The following HIVEP3 variants were observed in gnomAD, a reference collection of about 807,000 sequenced individuals.
The protein encoded by HIVEP3 is transcription factor HIVEP3.
HIVEP3 carries 49 observed loss-of-function variants against 152.8 expected under a neutral mutation model. The observed-to-expected ratio is 0.32, with a 90% CI of 0.26 to 0.41. HIVEP3 has a LOEUF of 0.41. HIVEP3 is among the 10% of genes least tolerant of loss of function. The probability of loss-of-function intolerance (pLI) is 1.00; values close to 1 mark genes in which losing one functional copy is unlikely to be tolerated. For synonymous variants in HIVEP3, 1,269 were observed against 1,289.0 expected, an observed-to-expected ratio of 0.98 and a Z score of 0.33; for missense variants, 2,790 against 3,103.3, an observed-to-expected ratio of 0.90 and a Z score of 2.40.
chr1:41,661,382 C>G (rs905474289), intron 2 of HIVEP3, among the ~76,000 whole-genome samples: 24 of 152,222 alleles, frequency 1.6e-4, no homozygotes, highest in Admixed American at 5.9e-4. Flanking sequence ...CCCAAGCACC[C>G]TGCTCTGATT....
At chr1:41,544,864 C>CCATCACCTCTACCACCACCAT (rs1643666671) in intron 5 of HIVEP3, among the ~76,000 whole-genome samples, 1 of 95,690 alleles carries the variant, frequency 1.0e-5, no homozygotes, top group African/African-American at 4.7e-5. Context: ...ACCACCACCA[C>CCATCACCTCTACCACCACCAT]CACCACCACC....
chr1:41,511,116 G>T lies in HIVEP3; in HGVS notation c.6556C>A (p.His2186Asn), dbSNP rs1043338184. The change falls in exon 9 of 9, where the codon CAC (histidine) becomes AAC (asparagine). Residue 2186 changes from histidine (H) to asparagine (N), a missense_variant. Coordinates refer to ENST00000372583, the MANE Select transcript of HIVEP3 (RefSeq NM_024503.5). The surrounding 1 kb of genome is among the most constrained non-coding windows in gnomAD (Gnocchi z 4.9). Reference protein sequence around the residue: ...IFSHLPLHSQHLTRAPCPLIP... With the variant: ...IFSHLPLHSQNLTRAPCPLIP... ...AAGGGACATGGGGCACGGGTCAAGT[G>T]CTGGGAGTGCAGAGGCAGGTGGCTG... The T allele has an allele frequency of 6.2e-7, 1 of 1,614,112 alleles. No homozygotes were observed. The highest frequency in any genetic ancestry group is 1.3e-5 in the African/African-American group (1 of 74,944).
chr1:41,913,902 G>A (rs1309373267), intron 1 of HIVEP3, among the ~76,000 whole-genome samples: 1 of 152,114 alleles, frequency 6.6e-6, no homozygotes, highest in Non-Finnish European at 1.5e-5. Flanking sequence ...TGTTTAAAAA[G>A]TTGATCCTAA....
chr1:41,930,270 A>T (rs1291742094), intron 1 of HIVEP3, among the ~76,000 whole-genome samples: 2 of 152,118 alleles, frequency 1.3e-5, no homozygotes, highest in Non-Finnish European at 2.9e-5. Flanking sequence ...AAGTTACCTC[A>T]TGTTGCTCCC....
chr1:41,956,128 C>T (rs1645139318), intron 1 of HIVEP3, among the ~76,000 whole-genome samples: 2 of 152,078 alleles, frequency 1.3e-5, no homozygotes, highest in Admixed American at 1.3e-4. Flanking sequence ...TTGGTTTGGA[C>T]GTTTCTTATA....
chr1:41,994,798 CT>C (rs1645385891), intron 1 of HIVEP3, among the ~76,000 whole-genome samples: 1 of 152,014 alleles, frequency 6.6e-6, no homozygotes, highest in South Asian at 2.1e-4. Context: ...TATCATGTTA[CT>C]ATGTTCAAAT....
chr1:41,717,313 G>A (rs553786814), intron 1 of HIVEP3, among the ~76,000 whole-genome samples: 8 of 152,180 alleles, frequency 5.3e-5, no homozygotes, highest in East Asian at 1.9e-4. Flanking sequence ...TATTCTAGGC[G>A]GTGAATCAGA....
intron 4 of HIVEP3, among the ~76,000 whole-genome samples, chr1:41,576,689 C>T (rs956405738): frequency 6.6e-6 from 1 of 152,198 alleles, no homozygotes; most frequent in African/African-American, 2.4e-5. Flanking sequence ...CCCACAAGGA[C>T]AGCATGGGGC....
At chr1:41,593,637 G>A (rs1395028573) in intron 3 of HIVEP3, among the ~76,000 whole-genome samples, 2 of 152,256 alleles carry the variant, frequency 1.3e-5, no homozygotes, top group Non-Finnish European at 2.9e-5. Flanking sequence ...TGGCGGGTGA[G>A]CACTATTTCC....
intron 2 of HIVEP3, among the ~76,000 whole-genome samples, chr1:41,658,196 G>A (rs914400464): frequency 6.6e-6 from 1 of 152,146 alleles, no homozygotes; most frequent in African/African-American, 2.4e-5. Flanking sequence ...ACTCAAAACC[G>A]CTGAGACCTT....
chr1:41,935,765 A>AAT (rs1359035931), intron 1 of HIVEP3, among the ~76,000 whole-genome samples: 1 of 147,158 alleles, frequency 6.8e-6, no homozygotes, highest in South Asian at 2.1e-4. Flanking sequence ...TTATATATAT[A>AAT]ATATATATAA....
At chr1:41,786,868 C>T (rs779558165) in intron 1 of HIVEP3, among the ~76,000 whole-genome samples, 1 of 151,650 alleles carries the variant, frequency 6.6e-6, no homozygotes, top group Non-Finnish European at 1.5e-5. Flanking sequence ...TCTTGTGCCT[C>T]AGACTCCCCG....
At chr1:42,026,343 A>T (rs1186524712) in intron 1 of HIVEP3, among the ~76,000 whole-genome samples, 1 of 152,212 alleles carries the variant, frequency 6.6e-6, no homozygotes, top group East Asian at 1.9e-4. Context: ...GTCTATATTT[A>T]TTAGGATCGA....
At chr1:41,953,886 A>C (rs1349361725) in intron 1 of HIVEP3, among the ~76,000 whole-genome samples, 1 of 152,222 alleles carries the variant, frequency 6.6e-6, no homozygotes, top group African/African-American at 2.4e-5. Context: ...CATCAATCAC[A>C]GTACCCAAGG....
chr1:41,904,223 A>T (rs1644673757), intron 1 of HIVEP3, among the ~76,000 whole-genome samples: 1 of 152,108 alleles, frequency 6.6e-6, no homozygotes, highest in Non-Finnish European at 1.5e-5. Context: ...TGGCAGCAGC[A>T]GGAGGGCCCC....
In HIVEP3 at chr1:41,582,823, C is replaced by T. The variant is rs373985538; in HGVS notation, c.1975G>A (p.Glu659Lys). The stretch of plus-strand genomic sequence containing the variant: ...GAGCAGTAGTATTTTTTGTGGGCTT[C>T]GTAGTTATCCCTTTTCTTGTACCGA... The part of the protein sequence containing the change: ...GARYKKRDNY[E>K]AHKKYYCSEL... Residue 659 changes from glutamate to lysine, a missense_variant, in exon 4 of 9, where the codon GAA becomes AAA. This residue lies in a region of HIVEP3 where 339 missense variants were observed against 327.0 expected (regional missense o/e 1.04). Coordinates refer to ENST00000372583, the MANE Select transcript of HIVEP3 (RefSeq NM_024503.5). The surrounding 1 kb of genome is among the most constrained non-coding windows in gnomAD (Gnocchi z 4.7). 1.1e-5 allele frequency: 17 copies of T among 1,613,916 alleles called. 1 individual carries two copies. The highest frequency in any genetic ancestry group is 9.9e-5 in the South Asian group (9 of 91,076).
intron 5 of HIVEP3, among the ~76,000 whole-genome samples, chr1:41,569,877 A>G (rs1644226284): frequency 6.6e-6 from 1 of 152,214 alleles, no homozygotes; most frequent in South Asian, 2.1e-4. Context: ...TAAAAATGTA[A>G]CCCCTTCAAC....
rs1647067333 is a variant in HIVEP3 at position 41,746,080 on chromosome 1, C to CA, written c.-800-45086dup. 5.3e-5 allele frequency among the ~76,000 whole-genome samples: 8 copies of CA among 152,222 alleles called. No individual in the cohort carries two copies. In the South Asian group the frequency reaches 1.7e-3, roughly 32 times the overall value. On this transcript the variant is annotated intron_variant, in intron 1 of 8. Transcript: ENST00000372583. ...AATCATGCATTGGCAGTGCCTCCAC[C>CA]ACCCTTTTGTTCCACTCTGAAGCAA...
intron 2 of HIVEP3, among the ~76,000 whole-genome samples, chr1:41,657,247 G>A (rs1228280327): frequency 6.6e-6 from 1 of 152,222 alleles, no homozygotes; most frequent in Non-Finnish European, 1.5e-5. Flanking sequence ...AGGAGCAAGA[G>A]ACCAGGCTGA....
Sources: allele counts gnomAD v4.1 joint callset (sites outside exome capture counted in the v4.1 genomes callset), GRCh38; gene constraint gnomAD v4.1.1; regional missense constraint gnomAD v4.1.1; non-coding constraint Gnocchi (gnomAD v3.1); transcripts MANE v1.5; gene names NCBI Gene and HGNC (gene_info 2026-07-23, HGNC 2026-07-21).